SPRR2G: variants seen among roughly 807,000 people sequenced by gnomAD.
SPRR2G encodes small proline rich protein 2G, also known as small proline-rich protein 2G.
A neutral mutation model predicts 0.7 loss-of-function variants in SPRR2G; 1 was observed. That is an observed-to-expected ratio of 1.49 (90% CI 0.53 to 7.06). The LOEUF (loss-of-function observed/expected upper bound fraction) is 7.06. Ranked by LOEUF, SPRR2G falls within the 30% of genes most tolerant of loss-of-function variation. The probability of loss-of-function intolerance (pLI) is 0.14; values close to 1 mark genes in which losing one functional copy is unlikely to be tolerated. For missense variants in SPRR2G, 96 were observed against 88.5 expected (o/e 1.09, Z -0.34); for synonymous variants, 38 against 33.9 (o/e 1.12, Z -0.42).
At chr1:153,164,977 G>C in the SPRR2G span, among the ~76,000 whole-genome samples, 1 of 152,070 alleles carries the variant, frequency 6.6e-6, no homozygotes, top group Non-Finnish European at 1.5e-5. Flanking sequence ...CAAACTTTTG[G>C]GAAATTATTT....
chr1:153,152,309 T>C (rs1268405906), upstream of SPRR2G, among the ~76,000 whole-genome samples: 11 of 152,174 alleles, frequency 7.2e-5, no homozygotes, highest in Admixed American at 5.2e-4. Context: ...CTGTAGTCAC[T>C]ACTAATTAGA....
At chr1:153,196,508 A>G in the SPRR2G span, among the ~76,000 whole-genome samples, 1 of 152,350 alleles carries the variant, frequency 6.6e-6, no homozygotes, top group East Asian at 1.9e-4. Context: ...TTGATTAGAT[A>G]AAGCTGCTTA....
At chr1:153,169,685 TCC>T in the SPRR2G span, among the ~76,000 whole-genome samples, 1 of 152,170 alleles carries the variant, frequency 6.6e-6, no homozygotes, top group Non-Finnish European at 1.5e-5. Context: ...ACTTCAGCCT[TCC>T]ATCATGTTAA....
upstream of SPRR2G, among the ~76,000 whole-genome samples, chr1:153,152,483 C>A (rs1656492859): frequency 6.6e-6 from 1 of 152,138 alleles, no homozygotes; most frequent in South Asian, 2.1e-4. Flanking sequence ...ACAAAAAAAA[C>A]TGAGGACCTA....
chr1:153,198,672 G>A, the SPRR2G span, among the ~76,000 whole-genome samples: 6 of 151,908 alleles, frequency 3.9e-5, no homozygotes, highest in Admixed American at 1.3e-4. Context: ...GAGTCGGAGC[G>A]CATAAGAGGA....
At chr1:153,162,598 C>T in the SPRR2G span, among the ~76,000 whole-genome samples, 1 of 149,674 alleles carries the variant, frequency 6.7e-6, no homozygotes, top group African/African-American at 2.4e-5. Context: ...AGGCCCAAGA[C>T]CCTGGCCTTA....
At chr1:153,181,492 C>T in the SPRR2G span, among the ~76,000 whole-genome samples, 1 of 152,116 alleles carries the variant, frequency 6.6e-6, no homozygotes, top group African/African-American at 2.4e-5. Context: ...TAATATCAGT[C>T]ATTAGAACTT....
chr1:153,178,364 A>C, the SPRR2G span, among the ~76,000 whole-genome samples: 4 of 152,172 alleles, frequency 2.6e-5, no homozygotes, highest in Non-Finnish European at 5.9e-5. Context: ...AAATGTTAGA[A>C]TAGAAGTAGT....
the SPRR2G span, among the ~76,000 whole-genome samples, chr1:153,172,369 G>A: frequency 5.9e-5 from 9 of 152,190 alleles, no homozygotes; most frequent in Admixed American, 4.6e-4. Context: ...GACTTTTGCT[G>A]TAGCATTACA....
chr1:153,191,284 A>G, the SPRR2G span: 1 of 152,394 alleles, frequency 6.6e-6, no homozygotes, highest in Non-Finnish European at 1.5e-5. Flanking sequence ...TGCAAGGTTC[A>G]TAGATGTGTG....
the SPRR2G span, among the ~76,000 whole-genome samples, chr1:153,193,518 G>A: frequency 0.014 from 2,109 of 152,286 alleles, 45 homozygotes; most frequent in African/African-American, 0.048. Flanking sequence ...TCTAGCCTCT[G>A]GGAGAGGCTC....
the SPRR2G span, among the ~76,000 whole-genome samples, chr1:153,162,721 A>G: frequency 2.7e-4 from 41 of 152,286 alleles, no homozygotes; most frequent in South Asian, 7.5e-3. Context: ...CTTCCAGCTC[A>G]TATCAGATGT....
At chr1:153,164,680 C>T in the SPRR2G span, among the ~76,000 whole-genome samples, 1 of 152,152 alleles carries the variant, frequency 6.6e-6, no homozygotes, top group Admixed American at 6.5e-5. Flanking sequence ...ATACCTAATA[C>T]GATTCCTAAA....
At position 153,149,872 on chromosome 1, in the gene SPRR2G, G is replaced by C. The variant is rs1389233010; in HGVS notation, c.*17C>G. On this transcript the variant is annotated 3_prime_UTR_variant, in exon 2 of 2. Coordinates refer to ENST00000368748, the MANE Select transcript of SPRR2G (RefSeq NM_001014291.4). Reference sequence around the variant, plus strand: ...CTGGATCTTGTTGTTTCATGGTCCTGATGAATTCTAGTGATGTTACTTGCT... The same window carrying C: ...CTGGATCTTGTTGTTTCATGGTCCTCATGAATTCTAGTGATGTTACTTGCT... The C allele has an allele frequency of 1.2e-6, 2 of 1,613,742 alleles. No individual in the cohort carries two copies. Among genetic ancestry groups the C allele is most frequent in the African/African-American group, 1.3e-5 (1 of 74,924 alleles).
the SPRR2G span, among the ~76,000 whole-genome samples, chr1:153,169,949 G>T: frequency 6.6e-6 from 1 of 152,152 alleles, no homozygotes; most frequent in African/African-American, 2.4e-5. Flanking sequence ...TGGAAAGAAA[G>T]CTCTCCTTTC....
At chr1:153,195,102 C>G in the SPRR2G span, among the ~76,000 whole-genome samples, 12 of 152,314 alleles carry the variant, frequency 7.9e-5, no homozygotes, top group South Asian at 1.2e-3. Flanking sequence ...AAGCCCTGCT[C>G]TGTACCCCAC....
the SPRR2G span, among the ~76,000 whole-genome samples, chr1:153,169,931 C>T: frequency 3.9e-5 from 6 of 152,208 alleles, no homozygotes; most frequent in African/African-American, 1.2e-4. Context: ...GCAGACTGAA[C>T]CGCTTTATGG....
At chr1:153,160,579 A>G in the SPRR2G span, among the ~76,000 whole-genome samples, 3 of 152,266 alleles carry the variant, frequency 2.0e-5, no homozygotes, top group Non-Finnish European at 4.4e-5. Flanking sequence ...TTTTTTGGGA[A>G]GTCAGGAAAC....
upstream of SPRR2G, among the ~76,000 whole-genome samples, chr1:153,151,823 C>A (rs1269477187): frequency 6.6e-6 from 1 of 152,180 alleles, no homozygotes; most frequent in Non-Finnish European, 1.5e-5. Flanking sequence ...CTGTTTACTT[C>A]ATGGATGTTT....
Sources: allele counts gnomAD v4.1 joint callset (sites outside exome capture counted in the v4.1 genomes callset), GRCh38; gene constraint gnomAD v4.1.1; transcripts MANE v1.5; gene names NCBI Gene and HGNC (gene_info 2026-07-23, HGNC 2026-07-21).